The following ARHGAP23 variants were observed in gnomAD, a reference collection of about 807,000 sequenced individuals.
ARHGAP23 encodes rho GTPase-activating protein 23.
A neutral mutation model predicts 136.3 loss-of-function variants in ARHGAP23; 34 were observed. The observed-to-expected ratio is 0.25, with a 90% confidence interval of 0.19 to 0.33. The LOEUF (loss-of-function observed/expected upper bound fraction) is 0.33, where lower values mean the gene tolerates loss of function less well. Ranked by LOEUF, ARHGAP23 falls within the 10% of genes least tolerant of loss-of-function variation. The probability of loss-of-function intolerance (pLI) is 1.00; values close to 1 mark genes in which losing one functional copy is unlikely to be tolerated. For missense variants in ARHGAP23, 1,808 were observed against 2,139.0 expected, an observed-to-expected ratio of 0.85 and a Z score of 3.05; for synonymous variants, 832 against 920.5, an observed-to-expected ratio of 0.90 and a Z score of 1.74.
intron 16 of ARHGAP23, among the ~76,000 whole-genome samples, chr17:38,485,857 A>G (rs2040148091): frequency 6.6e-6 from 1 of 152,126 alleles, no homozygotes; most frequent in Non-Finnish European, 1.5e-5. Context: ...AGGAGCAGGG[A>G]GGGGCTGGGG....
chr17:38,499,890 AC>A (rs1282440663), intron 22 of ARHGAP23, among the ~76,000 whole-genome samples: 5 of 151,802 alleles, frequency 3.3e-5, no homozygotes, highest in Admixed American at 3.3e-4. Context: ...TTCCTTCTCC[AC>A]CCCAGTGATA....
At chr17:38,505,826 G>A (rs2040622809) in intron 23 of ARHGAP23, among the ~76,000 whole-genome samples, 1 of 152,218 alleles carries the variant, frequency 6.6e-6, no homozygotes, top group Non-Finnish European at 1.5e-5. Context: ...TACTCAGGCG[G>A]CTGAGGCAGG....
chr17:38,480,372 G>A (rs1233337969), intron 14 of ARHGAP23, among the ~76,000 whole-genome samples: 5 of 152,126 alleles, frequency 3.3e-5, no homozygotes, highest in Non-Finnish European at 7.4e-5. Flanking sequence ...GATGGCTCAC[G>A]CCTGTAATCC....
In ARHGAP23 at chr17:38,462,945, A is replaced by G. The variant is rs888055836; in HGVS notation, c.349+4A>G. The G allele has an allele frequency of 1.2e-5, 18 of 1,544,010 alleles. No homozygotes were observed. The African/African-American group carries it at 2.5e-4, about 21-fold the overall frequency. ...CATAGGGCGGGGCTTCGCACAGGTG[A>G]GCTGGCCCAGTTACCTGGGCTCTAC... is the stretch of plus-strand genomic sequence containing the variant. On this transcript the variant is annotated splice_donor_region_variant and intron_variant, in intron 4 of 23. Coordinates refer to ENST00000622683, the MANE Select transcript of ARHGAP23 (RefSeq NM_001199417.2).
chr17:38,453,022 C>T (rs916937641), intron 1 of ARHGAP23, among the ~76,000 whole-genome samples: 1 of 152,114 alleles, frequency 6.6e-6, no homozygotes, highest in Non-Finnish European at 1.5e-5. Context: ...GTGTAGCACT[C>T]GAGGGGCTGT....
intron 1 of ARHGAP23, among the ~76,000 whole-genome samples, chr17:38,452,631 G>A (rs906625595): frequency 2.6e-5 from 4 of 152,180 alleles, no homozygotes; most frequent in African/African-American, 9.6e-5. Flanking sequence ...CTCTACAAAT[G>A]AGGCCATAGA....
chr17:38,491,901 G>A (rs1367659140), intron 20 of ARHGAP23, among the ~76,000 whole-genome samples: 1 of 152,190 alleles, frequency 6.6e-6, no homozygotes, highest in African/African-American at 2.4e-5. Flanking sequence ...TGGCAGACAC[G>A]AGCAGACGGG....
chr17:38,493,550 C>T (rs1198348738), intron 20 of ARHGAP23, among the ~76,000 whole-genome samples: 72 of 152,224 alleles, frequency 4.7e-4, no homozygotes, highest in Non-Finnish European at 1.8e-4. Flanking sequence ...TAGTGTCCTT[C>T]CCTTCTCTGC....
At chr17:38,420,234 C>T (rs563354881) in intron 1 of ARHGAP23, among the ~76,000 whole-genome samples, 2 of 152,326 alleles carry the variant, frequency 1.3e-5, no homozygotes, top group South Asian at 4.1e-4. Flanking sequence ...TTGCAGCCCC[C>T]TGATCTAAGA....
intron 17 of ARHGAP23, among the ~76,000 whole-genome samples, chr17:38,486,536 CTT>C (rs34888986): frequency 2.6e-3 from 328 of 125,798 alleles, no homozygotes; most frequent in East Asian, 0.011. Flanking sequence ...ACCACGCTGG[CTT>C]TTTTTTTTTT....
intron 11 of ARHGAP23, among the ~76,000 whole-genome samples, chr17:38,473,103 A>ATTT (rs59594005): frequency 7.7e-6 from 1 of 129,962 alleles, no homozygotes; most frequent in Non-Finnish European, 1.6e-5. Flanking sequence ...AACCCGGCTA[A>ATTT]TTTTTTTTTT....
chr17:38,458,829 C>T (rs956409333), intron 2 of ARHGAP23, among the ~76,000 whole-genome samples: 12 of 152,330 alleles, frequency 7.9e-5, no homozygotes, highest in Non-Finnish European at 1.3e-4. Context: ...ACTCCTCACT[C>T]ATTGTGAATT....
chr17:38,484,250 G>A (rs146976426), intron 16 of ARHGAP23, among the ~76,000 whole-genome samples: 22 of 152,056 alleles, frequency 1.4e-4, no homozygotes, highest in Non-Finnish European at 2.9e-4. Flanking sequence ...GGAAGGAGGG[G>A]CGAGGAAGAG....
chr17:38,441,113 T>C (rs192282032), intron 1 of ARHGAP23, among the ~76,000 whole-genome samples: 10 of 152,310 alleles, frequency 6.6e-5, no homozygotes, highest in Non-Finnish European at 1.3e-4. Flanking sequence ...CGGCCTATGC[T>C]CCCAGCCCCA....
In ARHGAP23 at chr17:38,491,813, A is replaced by T. The variant is rs779613640; in HGVS notation, c.3276+281A>T. 112 of 470,020 alleles carry T rather than the reference A, an allele frequency of 2.4e-4. No individual in the cohort carries two copies. In the Middle Eastern group the frequency reaches 6.3e-3, roughly 27 times the overall value. 29.1% of individuals were successfully genotyped at this position (470,020 alleles called of 1,614,324 possible). A position where few individuals can be genotyped will look rare whatever the true frequency, so the allele number is the denominator to read the frequency against. ...CCGAGATGCCTGGGAAAGGTAGAAG[A>T]GGAGGAAGGGCAGGGAAGGTGCTAC... On this transcript the variant is annotated intron_variant, in intron 20 of 23. Transcript: ENST00000622683.
chr17:38,439,772 A>C (rs973867212), intron 1 of ARHGAP23, among the ~76,000 whole-genome samples: 4 of 146,942 alleles, frequency 2.7e-5, no homozygotes, highest in African/African-American at 1.0e-4. Flanking sequence ...AATCCTGCTT[A>C]GGAACTTTTT....
intron 17 of ARHGAP23, among the ~76,000 whole-genome samples, chr17:38,487,433 T>C (rs1407828245): frequency 6.6e-6 from 1 of 152,198 alleles, no homozygotes; most frequent in East Asian, 1.9e-4. Flanking sequence ...GATGTAGAAT[T>C]GCTGGGTCAA....
At chr17:38,480,901 G>A (rs2040023653) in intron 14 of ARHGAP23, among the ~76,000 whole-genome samples, 2 of 151,982 alleles carry the variant, frequency 1.3e-5, no homozygotes, top group African/African-American at 4.8e-5. Flanking sequence ...GGGAGGCTGA[G>A]GCTGGAGGAT....
chr17:38,453,391 T>G, intron 1 of ARHGAP23, among the ~76,000 whole-genome samples: 1 of 148,266 alleles, frequency 6.7e-6, no homozygotes, highest in Non-Finnish European at 1.5e-5. Context: ...TTTCTCTGGG[T>G]GGATGGGGCT....
Sources: gnomAD v4.1 joint callset for allele counts (sites outside exome capture counted in the v4.1 genomes callset) on GRCh38, gnomAD v4.1.1 for gene constraint, MANE v1.5 for transcripts, NCBI Gene and HGNC (gene_info 2026-07-23, HGNC 2026-07-21) for gene names.